KIAA0825: variants seen among roughly 807,000 people sequenced by gnomAD.
KIAA0825 encodes the protein KIAA0825, also known as uncharacterized protein KIAA0825.
Under a neutral mutation model 147.6 loss-of-function variants are expected in KIAA0825, and 119 were observed. The observed-to-expected ratio is 0.81, with a 90% CI of 0.69 to 0.94. KIAA0825 has a LOEUF of 0.94. Among genes scored for constraint, KIAA0825 ranks in the 40% least tolerant of loss-of-function variants. The pLI is 0.00. For missense variants in KIAA0825, 1,381 were observed against 1,472.7 expected (o/e 0.94, Z 1.02); for synonymous variants, 470 against 518.1 (o/e 0.91, Z 1.26).
chr5:94,590,817 G>C (rs1352163569), intron 1 of KIAA0825, among the ~76,000 whole-genome samples: 1 of 151,986 alleles, frequency 6.6e-6, no homozygotes, highest in Non-Finnish European at 1.5e-5. Flanking sequence ...AATGCATAAA[G>C]AGAAAAAAGT....
intron 20 of KIAA0825, among the ~76,000 whole-genome samples, chr5:94,241,780 A>G (rs1413238003): frequency 2.2e-4 from 33 of 152,194 alleles, no homozygotes; most frequent in Admixed American, 2.2e-3. Flanking sequence ...TTCCCAGAAC[A>G]TTATCTCAAA....
At chr5:94,299,807 T>C (rs1778304982) in intron 20 of KIAA0825, among the ~76,000 whole-genome samples, 1 of 152,180 alleles carries the variant, frequency 6.6e-6, no homozygotes, top group South Asian at 2.1e-4. Context: ...CATGAGTTCC[T>C]TAGCTAGAGC....
intron 20 of KIAA0825, among the ~76,000 whole-genome samples, chr5:94,344,364 T>G (rs1334206948): frequency 3.9e-5 from 6 of 152,192 alleles, no homozygotes; most frequent in African/African-American, 1.4e-4. Flanking sequence ...TTATTTCATG[T>G]ATGTAAAGTT....
intron 20 of KIAA0825, among the ~76,000 whole-genome samples, chr5:94,215,100 GA>G (rs1773080790): frequency 6.6e-6 from 1 of 152,154 alleles, no homozygotes; most frequent in Non-Finnish European, 1.5e-5. Context: ...GAAGTTGCCA[GA>G]AAGTGCCAGG....
At chr5:94,553,489 C>T (rs1206481857) in intron 2 of KIAA0825, among the ~76,000 whole-genome samples, 5 of 149,826 alleles carry the variant, frequency 3.3e-5, no homozygotes, top group Admixed American at 6.7e-5. Flanking sequence ...TACGGCTGGG[C>T]GCAGTGGCTC....
chr5:94,176,277 T>C (rs1769093634), intron 20 of KIAA0825, among the ~76,000 whole-genome samples: 1 of 152,186 alleles, frequency 6.6e-6, no homozygotes, highest in Admixed American at 6.6e-5. Flanking sequence ...TCTCTCACCA[T>C]GTGATCTCTT....
At chr5:94,435,366 A>G (rs1344254511) in intron 14 of KIAA0825, among the ~76,000 whole-genome samples, 2 of 141,942 alleles carry the variant, frequency 1.4e-5, no homozygotes, top group African/African-American at 5.3e-5. Flanking sequence ...GCTCACATTT[A>G]TAAGTGAGAA....
In KIAA0825 at chr5:94,152,840, AAAAAAAAAAAAAAAATTATAT is replaced by A. The variant is rs1766608571; in HGVS notation, c.*1146_*1166del. The A allele has an allele frequency of 5.9e-5, 2 of 33,770 alleles. No individual in the cohort carries two copies. The highest frequency in any genetic ancestry group is 1.2e-4 in the Non-Finnish European group (2 of 17,186). The allele number at this position is 33,770 out of a possible 1,614,324, so 2.1% of individuals were successfully genotyped here. A position where few individuals can be genotyped will look rare whatever the true frequency, so the allele number is the denominator to read the frequency against. The stretch of plus-strand genomic sequence containing the variant: ...TAAAATGAAAAAAAAAAAAAAAAAA[AAAAAAAAAAAAAAAATTATAT>A]ATATATATATATATATATATATATA... On this transcript the variant is annotated 3_prime_UTR_variant, in exon 21 of 21. Coordinates refer to ENST00000682413, the MANE Select transcript of KIAA0825 (RefSeq NM_001145678.3).
rs558536685 is a variant in KIAA0825 at position 94,179,544 on chromosome 5, G to C, written c.3711-25420C>G. On this transcript the variant is annotated intron_variant, in intron 20 of 20. Coordinates refer to ENST00000682413, the MANE Select transcript of KIAA0825 (RefSeq NM_001145678.3). ...CATATATTTCCTCACTCTAGTCACT[G>C]AAAGAGGCTAGAAGCTACCCCAGTA... Among the ~76,000 whole-genome samples, 4 of 152,194 alleles carry C rather than the reference G, an allele frequency of 2.6e-5. No individual in the cohort carries two copies. The East Asian group carries it at 5.8e-4, about 22-fold the overall frequency.
rs565321996 is a variant in KIAA0825, at chr5:94,447,576, C to T, written c.2357+5383G>A. On this transcript the variant is annotated intron_variant, in intron 13 of 20. Coordinates refer to ENST00000682413, the MANE Select transcript of KIAA0825 (RefSeq NM_001145678.3). ...ACTTTGTCTTAAATGTCATTGCCTG[C>T]CTCTTTCTTCACCATTGACACCTAG... 2.4e-3 allele frequency among the ~76,000 whole-genome samples: 361 copies of T among 152,204 alleles called. 2 individuals carry two copies. Among genetic ancestry groups the T allele is most frequent in the Non-Finnish European group, 4.2e-3 (288 of 67,964 alleles).
chr5:94,462,695 C>A (rs1352569160), intron 11 of KIAA0825, 126 bp from the exon 12 acceptor site: 4 of 488,996 alleles, frequency 8.2e-6, no homozygotes, highest in African/African-American at 8.0e-5. Flanking sequence ...GATACCAGAA[C>A]TTCAGAGATC....
chr5:94,476,508 G>C lies in KIAA0825; in HGVS notation c.1227+603C>G, dbSNP rs539514745. Among the ~76,000 whole-genome samples the C allele has an allele frequency of 1.5e-3, 224 of 152,252 alleles. 1 individual carries two copies. The highest frequency in any genetic ancestry group is 4.9e-3 in the African/African-American group (203 of 41,546). On this transcript the variant is annotated intron_variant, in intron 7 of 20. Transcript: ENST00000682413. ...GAACAGGGCTCAGGGTGGAGATAAA[G>C]GTGTCACAGCCATTATCAGAGATGT...
Position 94,520,484 on chromosome 5 carries a change from T to C in KIAA0825, c.734A>G (p.Gln245Arg). The C allele has an allele frequency of 6.2e-7, 1 of 1,613,062 alleles. No homozygotes were observed. Among genetic ancestry groups the C allele is most frequent in the South Asian group, 1.1e-5 (1 of 91,048 alleles). ...TGAGTATAACTTAAGCATTGTACTT[T>C]GATATCCATGAGCTATTACATCTAA... Reference protein sequence around the residue: ...SNLDVIAHGYQSTMLKLYSVI... With the variant: ...SNLDVIAHGYRSTMLKLYSVI... The change falls in exon 5 of 21, where the codon CAA becomes CGA. Residue 245 changes from glutamine (Q) to arginine (R), a missense_variant. By Grantham distance (43) the Gln-to-Arg change is conservative. Coordinates refer to ENST00000682413, the MANE Select transcript of KIAA0825 (RefSeq NM_001145678.3).
intron 14 of KIAA0825, among the ~76,000 whole-genome samples, chr5:94,421,527 C>T (rs921672476): frequency 1.6e-4 from 24 of 152,182 alleles, no homozygotes; most frequent in African/African-American, 5.8e-4. Context: ...GTATTTATTC[C>T]TTCTCTGAAT....
chr5:94,182,250 C>CTTTT lies in KIAA0825; in HGVS notation c.3711-28130_3711-28127dup, dbSNP rs771486226. Among the ~76,000 whole-genome samples, 64 of 38,274 alleles carry CTTTT rather than the reference C, an allele frequency of 1.7e-3. 17 individuals are homozygous for CTTTT. The highest frequency in any genetic ancestry group is 1.8e-3 in the South Asian group (1 of 556). 25.1% of individuals were successfully genotyped at this position (38,274 alleles called of 152,430 possible). On this transcript the variant is annotated intron_variant, in intron 20 of 20. Coordinates refer to ENST00000682413, the MANE Select transcript of KIAA0825 (RefSeq NM_001145678.3). ...CAAGACATAACTTAAAATGTCCCTT[C>CTTTT]TTTTTTTTTTTTTTTTTTTTTTTTT...
chr5:94,457,285 T>C (rs186538608), intron 12 of KIAA0825, among the ~76,000 whole-genome samples: 2 of 152,366 alleles, frequency 1.3e-5, no homozygotes, highest in East Asian at 3.9e-4. Context: ...ATGCTCTAAA[T>C]AATTCATAGT....
At chr5:94,518,071 C>T (rs997164159) in intron 5 of KIAA0825, among the ~76,000 whole-genome samples, 4 of 152,134 alleles carry the variant, frequency 2.6e-5, no homozygotes, top group African/African-American at 9.7e-5. Flanking sequence ...GTTGTTGTTA[C>T]TTAAGGATTG....
chr5:94,587,830 A>G (rs1042928303), intron 1 of KIAA0825, among the ~76,000 whole-genome samples: 1 of 152,172 alleles, frequency 6.6e-6, no homozygotes, highest in Admixed American at 6.5e-5. Flanking sequence ...ACAGCATGCT[A>G]CTGGTACCAA....
intron 20 of KIAA0825, among the ~76,000 whole-genome samples, chr5:94,344,346 A>G (rs184490842): frequency 9.1e-4 from 139 of 152,346 alleles, no homozygotes; most frequent in African/African-American, 3.2e-3. Context: ...ATAAGAAGAA[A>G]ATATGCATTA....
Sources: allele counts gnomAD v4.1 joint callset (sites outside exome capture counted in the v4.1 genomes callset), GRCh38; gene constraint gnomAD v4.1.1; transcripts MANE v1.5; gene names NCBI Gene and HGNC (gene_info 2026-07-23, HGNC 2026-07-21).